Variants in GRK3 observed in about 807,000 individuals in gnomAD.
The protein encoded by GRK3 is G protein-coupled receptor kinase 3.
In GRK3, 54 loss-of-function variants were observed where a neutral mutation model predicts 95.7. The observed-to-expected ratio is 0.56, with a 90% CI of 0.45 to 0.71. The LOEUF is 0.71. Ranked by LOEUF, GRK3 falls within the 30% of genes least tolerant of loss-of-function variation. The pLI, the probability that GRK3 is intolerant of heterozygous loss-of-function variation, is 0.00. For missense variants in GRK3, 649 were observed against 851.2 expected (o/e 0.76, Z 2.96); for synonymous variants, 281 against 290.8 (o/e 0.97, Z 0.34).
At chr22:25,588,242 T>G (rs79046068) in intron 1 of GRK3, among the ~76,000 whole-genome samples, 65 of 152,334 alleles carry the variant, frequency 4.3e-4, no homozygotes, top group Non-Finnish European at 8.5e-4. Context: ...TGTGGGCCAG[T>G]GAAATTCAAG....
At chr22:25,572,558 A>G (rs1931741468) in intron 1 of GRK3, among the ~76,000 whole-genome samples, 1 of 152,054 alleles carries the variant, frequency 6.6e-6, no homozygotes, top group Admixed American at 6.6e-5. Flanking sequence ...CTGGCGTGAG[A>G]TGGTATCTCA....
chr22:25,627,428 C>A (rs2084635898), intron 2 of GRK3, among the ~76,000 whole-genome samples: 3 of 152,184 alleles, frequency 2.0e-5, no homozygotes, highest in Admixed American at 1.3e-4. Context: ...ACTTGCTCTG[C>A]CTAAATTGAA....
At chr22:25,577,395 G>A (rs969981886) in intron 1 of GRK3, among the ~76,000 whole-genome samples, 3 of 152,088 alleles carry the variant, frequency 2.0e-5, no homozygotes, top group African/African-American at 7.2e-5. Context: ...GGCTGGTCTC[G>A]AACTCCTGGC....
At chr22:25,621,123 T>C (rs1383207104) in intron 2 of GRK3, among the ~76,000 whole-genome samples, 1 of 152,262 alleles carries the variant, frequency 6.6e-6, no homozygotes, top group Non-Finnish European at 1.5e-5. Flanking sequence ...TTAGTGATAG[T>C]AAAACTTTCA....
chr22:25,626,227 C>G (rs2084627320), intron 2 of GRK3, among the ~76,000 whole-genome samples: 1 of 152,178 alleles, frequency 6.6e-6, no homozygotes, highest in Non-Finnish European at 1.5e-5. Context: ...CCGCGCCAGG[C>G]CGATGATGAT....
intron 13 of GRK3, among the ~76,000 whole-genome samples, chr22:25,701,720 C>T (rs1244280253): frequency 2.0e-5 from 3 of 151,516 alleles, no homozygotes; most frequent in Admixed American, 6.6e-5. Flanking sequence ...GAGCCAGGTC[C>T]GAGGGATTTG....
chr22:25,697,398 C>CT (rs1382764523), intron 13 of GRK3, among the ~76,000 whole-genome samples: 1 of 152,148 alleles, frequency 6.6e-6, no homozygotes, highest in East Asian at 1.9e-4. Flanking sequence ...ATATTAATTC[C>CT]TTTGTGAAGT....
At chr22:25,700,736 C>T (rs1057012658) in intron 13 of GRK3, among the ~76,000 whole-genome samples, 12 of 152,050 alleles carry the variant, frequency 7.9e-5, no homozygotes, top group African/African-American at 2.4e-4. Flanking sequence ...TACAGGCTCC[C>T]GCCACCACTC....
At chr22:25,717,544 A>G (rs1028116472) in intron 18 of GRK3, among the ~76,000 whole-genome samples, 2 of 152,218 alleles carry the variant, frequency 1.3e-5, no homozygotes, top group Non-Finnish European at 2.9e-5. Context: ...CATGCCCAGC[A>G]CCTGGGCATT....
intron 1 of GRK3, among the ~76,000 whole-genome samples, chr22:25,590,924 C>T (rs1932468707): frequency 6.6e-6 from 1 of 152,142 alleles, no homozygotes; most frequent in Admixed American, 6.5e-5. Flanking sequence ...AAAACCATTA[C>T]CCAAATTCAG....
At chr22:25,579,573 C>T (rs148927416) in intron 1 of GRK3, among the ~76,000 whole-genome samples, 45 of 151,998 alleles carry the variant, frequency 3.0e-4, no homozygotes, top group African/African-American at 1.0e-3. Context: ...CCCGGGTTCA[C>T]GGCATTCTCC....
intron 15 of GRK3, among the ~76,000 whole-genome samples, chr22:25,707,414 G>C (rs2085308414): frequency 6.6e-6 from 1 of 152,234 alleles, no homozygotes; most frequent in African/African-American, 2.4e-5. Flanking sequence ...TTCAATGTCT[G>C]TTTACTGGGC....
intron 1 of GRK3, among the ~76,000 whole-genome samples, chr22:25,601,478 A>G (rs1281858112): frequency 1.3e-5 from 2 of 152,210 alleles, no homozygotes; most frequent in African/African-American, 2.4e-5. Flanking sequence ...TGAAAGTAGA[A>G]TATATCAATA....
chr22:25,650,006 T>G (rs546938932), intron 3 of GRK3, among the ~76,000 whole-genome samples: 1 of 152,222 alleles, frequency 6.6e-6, no homozygotes, highest in Admixed American at 6.5e-5. Flanking sequence ...TTTTTTTTTT[T>G]TTTGAGACAG....
At chr22:25,648,851 T>C (rs1304536138) in intron 3 of GRK3, 1 of 1,047,656 alleles carries the variant, frequency 9.5e-7, no homozygotes. Context: ...CAGATTTTGG[T>C]TTAGCAAGGT....
intron 6 of GRK3, among the ~76,000 whole-genome samples, chr22:25,670,131 C>T (rs1375624058): frequency 6.6e-6 from 1 of 152,166 alleles, no homozygotes; most frequent in Non-Finnish European, 1.5e-5. Flanking sequence ...GTAATTGCAA[C>T]TATTCCTCTG....
rs1375406403 is a variant in GRK3 at position 25,728,703 on chromosome 22, T to C, written c.*6253T>C. ...TGCTTTTAAGAGTAGCACATTTGAG[T>C]GTGACTTTTTCCCCCCTTCACTATT... On this transcript the variant is annotated 3_prime_UTR_variant, in exon 21 of 21. Transcript: ENST00000324198. 6.6e-6 allele frequency: 1 copy of C among 152,128 alleles called. No individual in the cohort carries two copies. The highest frequency in any genetic ancestry group is 1.9e-4 in the East Asian group (1 of 5,192). 9.4% of individuals were successfully genotyped at this position (152,128 alleles called of 1,614,324 possible).
At chr22:25,648,171 A>G (rs1038993463) in intron 3 of GRK3, 8 of 701,634 alleles carry the variant, frequency 1.1e-5, no homozygotes, top group Non-Finnish European at 1.8e-5. Context: ...GAGCGAAACT[A>G]CTAAAGGTGC....
chr22:25,645,757 C>G (rs1367819072), intron 3 of GRK3, among the ~76,000 whole-genome samples: 1 of 152,028 alleles, frequency 6.6e-6, no homozygotes. Context: ...CCCGTCTCTA[C>G]TAAAATACAA....
Sources: gnomAD v4.1 joint callset for allele counts (sites outside exome capture counted in the v4.1 genomes callset) on GRCh38, gnomAD v4.1.1 for gene constraint, MANE v1.5 for transcripts, NCBI Gene and HGNC (gene_info 2026-07-23, HGNC 2026-07-21) for gene names.